OSTM1: variants seen among roughly 807,000 people sequenced by gnomAD.
OSTM1 encodes the protein osteoclastogenesis associated transmembrane protein 1.
Under a neutral mutation model 35.4 loss-of-function variants are expected in OSTM1, and 26 were observed. The ratio of observed to expected loss-of-function variants is 0.73; its 90% CI spans 0.54 to 1.02. The LOEUF is 1.02. Among genes scored for constraint, OSTM1 ranks in the 50% least tolerant of loss-of-function variants. OSTM1 has a pLI of 0.00. For synonymous variants in OSTM1, 181 were observed against 165.0 expected, an observed-to-expected ratio of 1.10 and a Z score of -0.75; for missense variants, 366 against 409.6, an observed-to-expected ratio of 0.89 and a Z score of 0.92.
At chr6:108,059,313 T>C (rs1026080670) in intron 2 of OSTM1, among the ~76,000 whole-genome samples, 2 of 152,226 alleles carry the variant, frequency 1.3e-5, no homozygotes, top group African/African-American at 4.8e-5. Flanking sequence ...CTAGTTTCCA[T>C]GTTATTTGTA....
intron 1 of OSTM1, among the ~76,000 whole-genome samples, chr6:108,072,857 A>G (rs1223390462): frequency 1.3e-5 from 2 of 152,118 alleles, no homozygotes; most frequent in East Asian, 3.9e-4. Flanking sequence ...TTCCAGGCTC[A>G]AGTGATTCTT....
chr6:108,064,076 C>A (rs1411343380), intron 2 of OSTM1, 109 bp downstream of exon 2: 6 of 698,028 alleles, frequency 8.6e-6, no homozygotes. Context: ...TTAAACTTAG[C>A]AATAAAAAGT....
At chr6:108,058,554 C>T (rs57681386) in intron 2 of OSTM1, among the ~76,000 whole-genome samples, 33,289 of 150,978 alleles carry the variant, frequency 0.22, 2,839 homozygotes, top group Admixed American at 0.24. Context: ...TTTGGGAGGC[C>T]GAGGCAGGTG....
intron 2 of OSTM1, among the ~76,000 whole-genome samples, chr6:108,057,161 C>T (rs540663410): frequency 2.0e-5 from 3 of 152,016 alleles, no homozygotes; most frequent in Non-Finnish European, 4.4e-5. Context: ...TTGGGGAGGT[C>T]GAGGCTGCAA....
chr6:108,054,368 C>A, intron 3 of OSTM1, 122 bp downstream of exon 3: 1 of 480,524 alleles, frequency 2.1e-6, no homozygotes, highest in Non-Finnish European at 3.7e-6. Flanking sequence ...TCCAGGTCCA[C>A]TAACTCCTTT....
chr6:108,050,440 T>G (rs987504816), intron 4 of OSTM1, among the ~76,000 whole-genome samples: 4 of 140,410 alleles, frequency 2.8e-5, no homozygotes, highest in Non-Finnish European at 6.0e-5. Context: ...CTCAGCTCAC[T>G]GCAACCTCTC....
chr6:108,058,545 T>C (rs935904187), intron 2 of OSTM1, among the ~76,000 whole-genome samples: 42 of 152,208 alleles, frequency 2.8e-4, no homozygotes, highest in Admixed American at 1.1e-3. Context: ...TCCCAGCACT[T>C]TGGGAGGCCG....
intron 2 of OSTM1, among the ~76,000 whole-genome samples, chr6:108,056,767 C>A (rs1402712271): frequency 6.6e-6 from 1 of 152,122 alleles, no homozygotes; most frequent in Non-Finnish European, 1.5e-5. Context: ...GGAGTTGTCC[C>A]CTCTCTGAAC....
intron 1 of OSTM1, among the ~76,000 whole-genome samples, chr6:108,065,934 G>GA (rs1166954733): frequency 1.3e-5 from 2 of 152,010 alleles, no homozygotes; most frequent in Non-Finnish European, 2.9e-5. Context: ...GAGAAATTAG[G>GA]AAAGAGTTCA....
In OSTM1 at chr6:108,074,368, C is replaced by G. The variant is rs138965798; in HGVS notation, c.284G>C (p.Ser95Thr). ...RELLLDFANS[S>T]AELTGCLVRS... ...CACCAGACACCCTGTCAGCTCTGCG[C>G]TGCTGTTGGCGAAGTCCAGCAGGAG... is the stretch of plus-strand genomic sequence containing the variant. The change falls in exon 1 of 6, where the codon AGC becomes ACC. Residue 95 changes from serine to threonine, a missense_variant. Ser to Thr is a moderately conservative substitution (Grantham distance 58, BLOSUM62 1). This residue lies in a region of OSTM1 where 236 missense variants were observed against 239.3 expected (regional missense o/e 0.99). Coordinates refer to ENST00000193322, the MANE Select transcript of OSTM1 (RefSeq NM_014028.4). 3.8e-6 allele frequency: 6 copies of G among 1,597,562 alleles called. No individual in the cohort carries two copies. Among genetic ancestry groups the G allele is most frequent in the Non-Finnish European group, 4.3e-6 (5 of 1,172,538 alleles).
intron 2 of OSTM1, among the ~76,000 whole-genome samples, chr6:108,057,134 G>A (rs1165134169): frequency 6.6e-6 from 1 of 152,090 alleles, no homozygotes; most frequent in African/African-American, 2.4e-5. Context: ...AGGCTGAGAG[G>A]GGAGAATTGC....
rs557839296 is a variant in OSTM1, at chr6:108,044,581, C to T, written c.*204G>A. ...CATTAAAATAGATAACATTGCTATG[C>T]CTGGAAATTAAAAATATCCAAATCT... On this transcript the variant is annotated 3_prime_UTR_variant, in exon 6 of 6. Coordinates refer to ENST00000193322, the MANE Select transcript of OSTM1 (RefSeq NM_014028.4). 6 of 459,650 alleles carry T rather than the reference C, an allele frequency of 1.3e-5. No individual in the cohort carries two copies. The East Asian group carries it at 2.0e-4, about 16-fold the overall frequency. The allele number at this position is 459,650 out of a possible 1,614,324, so 28.5% of individuals were successfully genotyped here.
At chr6:108,064,026 C>T (rs115805032) in intron 2 of OSTM1, among the ~76,000 whole-genome samples, 159 bp downstream of exon 2, 246 of 152,326 alleles carry the variant, frequency 1.6e-3, no homozygotes, top group African/African-American at 5.6e-3. Context: ...GCTATTTGCT[C>T]AGTTGCCATT....
At chr6:108,074,186 C>T in intron 1 of OSTM1, 64 bp downstream of exon 1, 1 of 1,534,910 alleles carries the variant, frequency 6.5e-7, no homozygotes, top group Non-Finnish European at 8.9e-7. Flanking sequence ...CGCTGACCAT[C>T]ATTACACCCT....
intron 3 of OSTM1, among the ~76,000 whole-genome samples, chr6:108,053,226 T>C (rs1772111232): frequency 6.6e-6 from 1 of 152,250 alleles, no homozygotes; most frequent in African/African-American, 2.4e-5. Flanking sequence ...GAAGACTGTT[T>C]ATGGTGTACA....
intron 2 of OSTM1, among the ~76,000 whole-genome samples, chr6:108,059,348 T>A (rs1389929682): frequency 6.6e-6 from 1 of 152,224 alleles, no homozygotes; most frequent in Non-Finnish European, 1.5e-5. Flanking sequence ...AGTTGCACTC[T>A]TAACACTTCT....
At chr6:108,070,492 T>C (rs62427064) in intron 1 of OSTM1, among the ~76,000 whole-genome samples, 25,053 of 152,228 alleles carry the variant, frequency 0.16, 2,552 homozygotes, top group Admixed American at 0.22. Flanking sequence ...AATCTTACCC[T>C]TCTTTTCCTT....
chr6:108,046,813 T>A (rs1771984145), intron 5 of OSTM1, among the ~76,000 whole-genome samples: 1 of 152,234 alleles, frequency 6.6e-6, no homozygotes, highest in South Asian at 2.1e-4. Flanking sequence ...AAATCAATAG[T>A]TTGGGTTTTT....
At chr6:108,070,557 A>G (rs145810157) in intron 1 of OSTM1, among the ~76,000 whole-genome samples, 1 of 152,146 alleles carries the variant, frequency 6.6e-6, no homozygotes, top group Non-Finnish European at 1.5e-5. Context: ...CTAAAAACTG[A>G]TTTCAATAAA....
Sources: allele counts gnomAD v4.1 joint callset (sites outside exome capture counted in the v4.1 genomes callset), GRCh38; gene constraint gnomAD v4.1.1; regional missense constraint gnomAD v4.1.1; transcripts MANE v1.5; gene names NCBI Gene and HGNC (gene_info 2026-07-23, HGNC 2026-07-21).